MYH3: variants seen among roughly 807,000 people sequenced by gnomAD.
MYH3 encodes the protein myosin-3.
Under a neutral mutation model 238.0 loss-of-function variants are expected in MYH3, and 130 were observed. The ratio of observed to expected loss-of-function variants is 0.55; its 90% CI spans 0.47 to 0.63. The LOEUF (loss-of-function observed/expected upper bound fraction) is 0.63, where lower values mean the gene tolerates loss of function less well. Ranked by LOEUF, MYH3 falls within the 30% of genes least tolerant of loss-of-function variation. MYH3 has a pLI of 0.00. For missense variants in MYH3, 1,853 were observed against 2,374.9 expected (o/e 0.78, Z 4.57); for synonymous variants, 880 against 924.1 (o/e 0.95, Z 0.86).
At chr17:10,647,745 A>AT (rs2074336891) in intron 8 of MYH3, among the ~76,000 whole-genome samples, 1 of 152,088 alleles carries the variant, frequency 6.6e-6, no homozygotes, top group East Asian at 1.9e-4. Context: ...GGGTTTCACC[A>AT]TGTTGGCCAG....
the MYH3 span, among the ~76,000 whole-genome samples, chr17:10,667,031 C>T: frequency 1.3e-5 from 2 of 152,182 alleles, no homozygotes; most frequent in African/African-American, 4.8e-5. Context: ...CACTTTCTAA[C>T]CAATCACATT....
chr17:10,638,325 C>G lies in MYH3; in HGVS notation c.3447G>C (p.Glu1149Asp). 6.2e-7 allele frequency: 1 copy of G among 1,612,256 alleles called. No individual in the cohort carries two copies. The highest frequency in any genetic ancestry group is 8.5e-7 in the Non-Finnish European group (1 of 1,179,988). Residue 1149 changes from glutamate (E) to aspartate (D), a missense_variant, in exon 27 of 41, where the codon GAG (glutamate) becomes GAC (aspartate). Glu to Asp is a conservative substitution (Grantham distance 45, BLOSUM62 2). Around this residue, in one of 3 missense-constraint regions of MYH3, gnomAD observed 1,044 missense variants for 1,192.6 expected, o/e 0.88. Transcript: ENST00000583535. ...TGACGCCTCCCGCCTCCTCCAGCCG[C>G]TCGCTCAGCTCCTCCAGCTCCCGGG... ...DYARELEELS[E>D]RLEEAGGVTS...
At chr17:10,652,010 G>C (rs2074380798) in intron 4 of MYH3, 2 of 388,944 alleles carry the variant, frequency 5.1e-6, no homozygotes, top group African/African-American at 4.1e-5. Context: ...CAAAGTGCTG[G>C]GATTACGGGC....
At position 10,652,536 on chromosome 17, in the gene MYH3, A is replaced by G. The variant is rs764694588; in HGVS notation, c.232T>C (p.Tyr78His). Residue 78 changes from tyrosine (Y) to histidine (H), a missense_variant, in exon 4 of 41, where the codon TAC (tyrosine) becomes CAC (histidine). This residue lies in a region of MYH3 where 131 missense variants were observed against 123.5 expected (regional missense o/e 1.06). Transcript: ENST00000583535. ...RTLVVKPEDVYAMNPPKFDRI... is the reference protein window; with the variant it reads ...RTLVVKPEDVHAMNPPKFDRI... ...TCGAACTTGGGGGGGTTCATGGCGT[A>G]CACATCCTCTGGTTTGACCACCAGG... The G allele has an allele frequency of 6.2e-7, 1 of 1,606,412 alleles. No homozygotes were observed. Among genetic ancestry groups the G allele is most frequent in the East Asian group, 2.3e-5 (1 of 44,352 alleles).
intron 17 of MYH3, among the ~76,000 whole-genome samples, chr17:10,641,616 G>C (rs1021692908): frequency 6.7e-6 from 1 of 149,128 alleles, no homozygotes; most frequent in Admixed American, 6.8e-5. Flanking sequence ...CTAGGTTCAA[G>C]CAATTCTCCT....
At chr17:10,660,923 T>C (rs2074476180), upstream of MYH3, among the ~76,000 whole-genome samples, 1 of 151,318 alleles carries the variant, frequency 6.6e-6, no homozygotes. Context: ...AGGCAGACAT[T>C]GCAGTAAGCC....
At chr17:10,660,641 C>G (rs893065514), upstream of MYH3, among the ~76,000 whole-genome samples, 29 of 148,784 alleles carry the variant, frequency 1.9e-4, no homozygotes, top group African/African-American at 6.5e-4. Flanking sequence ...CATGCCACTG[C>G]ACTCCAGGCT....
Position 10,650,413 on chromosome 17 carries a change from A to T in MYH3, c.506-12T>A. The T allele has an allele frequency of 6.2e-7, 1 of 1,610,744 alleles. No homozygotes were observed. The highest frequency in any genetic ancestry group is 8.5e-7 in the Non-Finnish European group (1 of 1,176,962). On this transcript the variant is annotated splice_polypyrimidine_tract_variant and intron_variant, in intron 5 of 40. Transcript: ENST00000583535. Reference sequence around the variant, plus strand: ...CTGGTTTTCACGATCTGCCAGAGGAAAAAATAAAATAGAGTTGATGGCAAT... The same window carrying T: ...CTGGTTTTCACGATCTGCCAGAGGATAAAATAAAATAGAGTTGATGGCAAT...
chr17:10,645,912 C>G lies in MYH3; in HGVS notation c.1002+17G>C. 1 of 1,613,766 alleles carries G rather than the reference C, an allele frequency of 6.2e-7. No individual in the cohort carries two copies. The highest frequency in any genetic ancestry group is 8.5e-7 in the Non-Finnish European group (1 of 1,179,736). On this transcript the variant is annotated intron_variant, in intron 11 of 40. Coordinates refer to ENST00000583535, the MANE Select transcript of MYH3 (RefSeq NM_002470.4). ...GATGGAGGAGGAACACCCACCCCTT[C>G]TGTTGGTTCCACTTACGTCTGTAGC...
intron 10 of MYH3, among the ~76,000 whole-genome samples, chr17:10,646,716 C>T (rs1379799421): frequency 6.6e-6 from 1 of 152,154 alleles, no homozygotes; most frequent in South Asian, 2.1e-4. Flanking sequence ...TTCAAATTGG[C>T]ATGTCACTGC....
At chr17:10,641,932 T>A (rs62060695) in intron 17 of MYH3, among the ~76,000 whole-genome samples, 2,086 of 152,264 alleles carry the variant, frequency 0.014, 27 homozygotes, top group Non-Finnish European at 0.02. Flanking sequence ...TAAAATCAAC[T>A]CAGGTGATGG....
At chr17:10,640,735 A>C (rs1341014816) in intron 19 of MYH3, 49 bp from the exon 20 acceptor site, 1 of 1,599,466 alleles carries the variant, frequency 6.3e-7, no homozygotes, top group East Asian at 2.3e-5. Flanking sequence ...AAAGACACAA[A>C]CCTTGGAGAA....
rs915624268 is a variant in MYH3, at chr17:10,628,630, T to C, written c.*23A>G. 1.1e-5 allele frequency: 18 copies of C among 1,613,762 alleles called. No individual in the cohort carries two copies. Among genetic ancestry groups the C allele is most frequent in the Non-Finnish European group, 1.5e-5 (18 of 1,179,608 alleles). ...GAAAATATACATTTTGCATATCTTCTGTCCTGCTCCAGAAGGGCTGGCTCA... is the reference window on the plus strand; with the variant it reads ...GAAAATATACATTTTGCATATCTTCCGTCCTGCTCCAGAAGGGCTGGCTCA... On this transcript the variant is annotated 3_prime_UTR_variant, in exon 41 of 41. Transcript: ENST00000583535.
rs771036829 is a variant in MYH3, at chr17:10,635,825, T to G, written c.3885A>C (p.Lys1295Asn). The G allele has an allele frequency of 7.4e-6, 12 of 1,614,046 alleles. No homozygotes were observed. Among genetic ancestry groups the G allele is most frequent in the Non-Finnish European group, 9.3e-6 (11 of 1,180,008 alleles). Residue 1295 changes from lysine to asparagine, a missense_variant, in exon 29 of 41, where the codon AAA becomes AAC. Transcript: ENST00000583535. ...AGELSRQLEE[K>N]ESIVSQLSRS... Reference sequence around the variant, plus strand: ...TGGAAAGTTGGGATACTATGCTTTCTTTTTCTTCCAGCTGACGACTCAGCT... The same window carrying G: ...TGGAAAGTTGGGATACTATGCTTTCGTTTTCTTCCAGCTGACGACTCAGCT...
chr17:10,641,063 A>T (rs981453711), intron 19 of MYH3, 22 bp downstream of exon 19: 1 of 1,516,814 alleles, frequency 6.6e-7, no homozygotes, highest in African/African-American at 1.4e-5. Context: ...CCCCAAGCAT[A>T]TAGAACATGT....
intron 3 of MYH3, among the ~76,000 whole-genome samples, chr17:10,653,199 A>G (rs2074395790): frequency 6.6e-6 from 1 of 152,154 alleles, no homozygotes; most frequent in Admixed American, 6.6e-5. Flanking sequence ...GGCCAGCAGG[A>G]ACCTTTCAGC....
chr17:10,642,349 C>T lies in MYH3; in HGVS notation c.1889-39G>A. The T allele has an allele frequency of 6.2e-7, 1 of 1,613,948 alleles. No homozygotes were observed. The highest frequency in any genetic ancestry group is 8.5e-7 in the Non-Finnish European group (1 of 1,179,810). On this transcript the variant is annotated intron_variant, in intron 16 of 40. Transcript: ENST00000583535. The surrounding 1 kb of genome is among the most constrained non-coding windows in gnomAD (Gnocchi z 5.4). ...GGGAGGGCACGTGCTGTAGGTGAAT[C>T]TAAAAGGTTTTTTGTTACTGTGGAA... is the stretch of plus-strand genomic sequence containing the variant.
chr17:10,654,805 G>A lies in MYH3; in HGVS notation c.204+56C>T. On this transcript the variant is annotated intron_variant, in intron 3 of 40. Transcript: ENST00000583535. This position sits in a 1 kb window ranked among gnomAD's most constrained non-coding sequence, Gnocchi z 4.5. Reference sequence around the variant, plus strand: ...GGGGTTGGGCAGATGCATACCCCAGGCAAGCACAAGGACCAGGTGGAGGGC... The same window carrying A: ...GGGGTTGGGCAGATGCATACCCCAGACAAGCACAAGGACCAGGTGGAGGGC... 1 of 1,550,430 alleles carries A rather than the reference G, an allele frequency of 6.4e-7. No individual in the cohort carries two copies.
chr17:10,670,156 A>C, the MYH3 span, among the ~76,000 whole-genome samples: 8 of 152,086 alleles, frequency 5.3e-5, no homozygotes, highest in Non-Finnish European at 1.0e-4. This position sits in a 1 kb window ranked among gnomAD's most constrained non-coding sequence, Gnocchi z 7.0. Flanking sequence ...TGAGTTCCGA[A>C]ATGCCTCTCT....
Sources: allele counts gnomAD v4.1 joint callset (sites outside exome capture counted in the v4.1 genomes callset), GRCh38; gene constraint gnomAD v4.1.1; regional missense constraint gnomAD v4.1.1; non-coding constraint Gnocchi (gnomAD v3.1); transcripts MANE v1.5; gene names NCBI Gene and HGNC (gene_info 2026-07-23, HGNC 2026-07-21).